Variants in FNDC7 observed in about 807,000 individuals in gnomAD.
The protein encoded by FNDC7 is fibronectin type III domain-containing protein 7.
Under a neutral mutation model 74.2 loss-of-function variants are expected in FNDC7, and 66 were observed. That is an observed-to-expected ratio of 0.89 (90% CI 0.73 to 1.09). FNDC7 has a LOEUF of 1.09. Among genes scored for constraint, FNDC7 ranks in the 50% least tolerant of loss-of-function variants. FNDC7 has a pLI of 0.00. For synonymous variants in FNDC7, 307 were observed against 330.2 expected (o/e 0.93, Z 0.76); for missense variants, 829 against 893.4 (o/e 0.93, Z 0.92).
chr1:108,728,925 G>A (rs769750072), intron 8 of FNDC7, 39 bp downstream of exon 8: 8 of 1,602,358 alleles, frequency 5.0e-6, no homozygotes, highest in East Asian at 2.2e-5. Context: ...GACTTCAGTG[G>A]GGTCCTTATG....
chr1:108,716,325 GTGTGT>G (rs1557786130), intron 2 of FNDC7, among the ~76,000 whole-genome samples: 5 of 58,496 alleles, frequency 8.5e-5, no homozygotes, highest in African/African-American at 3.1e-4. Flanking sequence ...AGAGAGGTGT[GTGTGT>G]GTGTGTGTGT....
chr1:108,725,873 A>T lies in FNDC7; in HGVS notation c.980A>T (p.Glu327Val). Reference sequence around the variant, plus strand: ...TTTGTGAAGAGTGATGATGGCTTGGAAGTACACTGCAACACATCTCTCACT... The same window carrying T: ...TTTGTGAAGAGTGATGATGGCTTGGTAGTACACTGCAACACATCTCTCACT... ...VVFVKSDDGLEVHCNTSLTQC... is the reference protein window; with the variant it reads ...VVFVKSDDGLVVHCNTSLTQC... Residue 327 changes from glutamate to valine, a missense_variant, in exon 6 of 13, where the codon GAA (glutamate) becomes GTA (valine). Glu to Val is a moderately radical substitution (Grantham distance 121). Coordinates refer to ENST00000370017, the MANE Select transcript of FNDC7 (RefSeq NM_001144937.3). 1.2e-6 allele frequency: 2 copies of T among 1,613,876 alleles called. No homozygotes were observed. The highest frequency in any genetic ancestry group is 1.7e-6 in the Non-Finnish European group (2 of 1,179,946).
intron 8 of FNDC7, 68 bp downstream of exon 8, chr1:108,728,954 A>G: frequency 6.4e-7 from 1 of 1,563,354 alleles, no homozygotes; most frequent in South Asian, 1.2e-5. Flanking sequence ...CAAGACATGA[A>G]CTTCCTTATT....
chr1:108,733,069 C>T (rs569543655), intron 9 of FNDC7, among the ~76,000 whole-genome samples: 24 of 152,120 alleles, frequency 1.6e-4, no homozygotes, highest in African/African-American at 2.4e-4. Context: ...CCATCATGCC[C>T]AGCCACCCAT....
intron 11 of FNDC7, among the ~76,000 whole-genome samples, chr1:108,738,897 A>C (rs751400826): frequency 6.6e-5 from 10 of 152,182 alleles, no homozygotes; most frequent in Non-Finnish European, 1.5e-4. Flanking sequence ...CTGTGAGGAC[A>C]CTTCTAATTA....
chr1:108,712,911 A>T lies in FNDC7; in HGVS notation c.-23A>T, dbSNP rs533626646. The T allele has an allele frequency of 8.1e-5, 126 of 1,550,420 alleles. No homozygotes were observed. Among genetic ancestry groups the T allele is most frequent in the Non-Finnish European group, 1.0e-4 (120 of 1,146,018 alleles). On this transcript the variant is annotated 5_prime_UTR_variant, in exon 1 of 13. It removes an upstream start codon present in the reference 5' UTR. Transcript: ENST00000370017. ...GACCCGGATTGCTTTGTTTTGTGCC[A>T]TGTGAGTACTATGTCCAACAGGATG... is the stretch of plus-strand genomic sequence containing the variant.
At chr1:108,716,281 C>T (rs1660971110) in intron 2 of FNDC7, among the ~76,000 whole-genome samples, 1 of 147,680 alleles carries the variant, frequency 6.8e-6, no homozygotes, top group Admixed American at 6.7e-5. Context: ...GGAAAGAAGG[C>T]ATATAGCACA....
At chr1:108,730,509 C>T (rs1486026642) in intron 8 of FNDC7, among the ~76,000 whole-genome samples, 165 bp from the exon 9 acceptor site, 7 of 151,778 alleles carry the variant, frequency 4.6e-5, no homozygotes, top group Non-Finnish European at 7.4e-5. Context: ...TGTTACATGA[C>T]GCATCAGAGG....
chr1:108,731,855 T>C (rs1661363866), intron 9 of FNDC7, among the ~76,000 whole-genome samples: 1 of 152,238 alleles, frequency 6.6e-6, no homozygotes, highest in Non-Finnish European at 1.5e-5. Flanking sequence ...TATCTTGTAT[T>C]AGATTTACTG....
intron 4 of FNDC7, 96 bp from the exon 5 acceptor site, chr1:108,722,239 G>T: frequency 1.6e-6 from 2 of 1,229,318 alleles, no homozygotes; most frequent in Non-Finnish European, 2.2e-6. Flanking sequence ...CCAACTATTG[G>T]GTACCTTATC....
intron 2 of FNDC7, 91 bp from the exon 3 acceptor site, chr1:108,717,686 A>G (rs1661002526): frequency 1.5e-6 from 2 of 1,343,808 alleles, no homozygotes; most frequent in South Asian, 1.4e-5. Flanking sequence ...GAAGGAAGGC[A>G]TGAGAATGAT....
At chr1:108,718,542 A>G (rs1661026286) in intron 3 of FNDC7, among the ~76,000 whole-genome samples, 1 of 152,202 alleles carries the variant, frequency 6.6e-6, no homozygotes, top group African/African-American at 2.4e-5. Context: ...GTTTTATCTA[A>G]TTTCTGACTA....
intron 2 of FNDC7, 119 bp downstream of exon 2, chr1:108,713,648 T>C (rs1660918602): frequency 1.1e-6 from 1 of 871,844 alleles, no homozygotes; most frequent in Non-Finnish European, 1.8e-6. Flanking sequence ...CAATATTTTC[T>C]GAGCACTCAC....
intron 2 of FNDC7, among the ~76,000 whole-genome samples, chr1:108,716,507 A>G (rs964102794): frequency 6.6e-6 from 1 of 152,058 alleles, no homozygotes; most frequent in Admixed American, 6.6e-5. Context: ...TCCAGCATAT[A>G]TAAGTGTCAT....
chr1:108,729,110 G>GA (rs1291492866), intron 8 of FNDC7, among the ~76,000 whole-genome samples: 2 of 152,140 alleles, frequency 1.3e-5, no homozygotes, highest in Non-Finnish European at 2.9e-5. Context: ...CATCAGAGAA[G>GA]GAATACTTAC....
chr1:108,728,011 T>C lies in FNDC7; in HGVS notation c.1315T>C (p.Phe439Leu), dbSNP rs1661257772. 2 of 1,614,178 alleles carry C rather than the reference T, an allele frequency of 1.2e-6. No homozygotes were observed. Among genetic ancestry groups the C allele is most frequent in the Admixed American group, 1.7e-5 (1 of 60,028 alleles). The change falls in exon 7 of 13, where the codon TTC becomes CTC. Residue 439 changes from phenylalanine to leucine, a missense_variant. Phe to Leu is a conservative substitution (Grantham distance 22, BLOSUM62 0). Coordinates refer to ENST00000370017, the MANE Select transcript of FNDC7 (RefSeq NM_001144937.3). ...DTKYNITVYS[F>L]NEVRGSNMSC... Reference sequence around the variant, plus strand: ...CAAGTACAACATCACAGTGTATTCATTCAATGAAGTCCGAGGCAGCAATAT... The same window carrying C: ...CAAGTACAACATCACAGTGTATTCACTCAATGAAGTCCGAGGCAGCAATAT...
At chr1:108,735,249 T>A (rs1661482273) in intron 10 of FNDC7, among the ~76,000 whole-genome samples, 1 of 152,200 alleles carries the variant, frequency 6.6e-6, no homozygotes, top group African/African-American at 2.4e-5. Context: ...CCACAGCTAC[T>A]GCTATGCCTC....
rs1398762615 is a variant in FNDC7, at chr1:108,719,056, A to T, written c.598+7A>T. 1.9e-6 allele frequency: 3 copies of T among 1,551,910 alleles called. No homozygotes were observed. The highest frequency in any genetic ancestry group is 2.6e-6 in the Non-Finnish European group (3 of 1,146,926). ...ACCTGCAATCAGAGAACAAGTAAGAACTTCTCAGCTCAGCCTCGAACAATT... is the reference window on the plus strand; with the variant it reads ...ACCTGCAATCAGAGAACAAGTAAGATCTTCTCAGCTCAGCCTCGAACAATT... On this transcript the variant is annotated splice_region_variant and intron_variant, in intron 4 of 12. Transcript: ENST00000370017.
chr1:108,723,990 C>T (rs1240427751), intron 5 of FNDC7, among the ~76,000 whole-genome samples: 1 of 152,176 alleles, frequency 6.6e-6, no homozygotes, highest in East Asian at 1.9e-4. Context: ...TAGGGATGAC[C>T]TTGACTTATT....
Sources: allele counts gnomAD v4.1 joint callset (sites outside exome capture counted in the v4.1 genomes callset), GRCh38; gene constraint gnomAD v4.1.1; transcripts MANE v1.5; gene names NCBI Gene and HGNC (gene_info 2026-07-23, HGNC 2026-07-21).